Variants in TEX2 observed in about 807,000 individuals in gnomAD.
TEX2 encodes the protein testis expressed 2.
Under a neutral mutation model 106.9 loss-of-function variants are expected in TEX2, and 53 were observed. The ratio of observed to expected loss-of-function variants is 0.50; its 90% CI spans 0.40 to 0.62. The LOEUF is 0.62. Among genes scored for constraint, TEX2 ranks in the 20% least tolerant of loss-of-function variants. The probability of loss-of-function intolerance (pLI) is 0.00; values close to 1 mark genes in which losing one functional copy is unlikely to be tolerated. For synonymous variants in TEX2, 523 were observed against 534.8 expected (o/e 0.98, Z 0.30); for missense variants, 1,207 against 1,379.0 (o/e 0.88, Z 1.98).
At chr17:64,199,998 T>TA (rs1272234840) in intron 2 of TEX2, among the ~76,000 whole-genome samples, 1 of 152,238 alleles carries the variant, frequency 6.6e-6, no homozygotes, top group Admixed American at 6.5e-5. Context: ...TTTGCATAAT[T>TA]AAATGAGAGA....
chr17:64,180,509 G>C (rs971711927), intron 5 of TEX2, among the ~76,000 whole-genome samples: 1 of 152,188 alleles, frequency 6.6e-6, no homozygotes, highest in Non-Finnish European at 1.5e-5. Context: ...ATGCATCAAA[G>C]AAGCTTTTAT....
At chr17:64,175,544 A>G (rs372384203) in intron 6 of TEX2, among the ~76,000 whole-genome samples, 16 of 152,324 alleles carry the variant, frequency 1.1e-4, no homozygotes, top group African/African-American at 3.4e-4. Context: ...TTCCAGCTCA[A>G]GAGAGAAGGG....
At chr17:64,236,680 A>G (rs1598215045) in intron 1 of TEX2, among the ~76,000 whole-genome samples, 1 of 152,348 alleles carries the variant, frequency 6.6e-6, no homozygotes, top group Non-Finnish European at 1.5e-5. Flanking sequence ...TCCTATGGAT[A>G]CCGAGGGATG....
chr17:64,260,934 A>G (rs548454784), intron 1 of TEX2, among the ~76,000 whole-genome samples: 1 of 152,370 alleles, frequency 6.6e-6, no homozygotes, highest in South Asian at 2.1e-4. Flanking sequence ...AAGAAAGAAC[A>G]GGCACTTTCC....
chr17:64,152,324 T>C (rs896245428), intron 10 of TEX2, among the ~76,000 whole-genome samples: 1 of 152,154 alleles, frequency 6.6e-6, no homozygotes, highest in Non-Finnish European at 1.5e-5. Flanking sequence ...CCCCGACCCC[T>C]GAAATCCGGG....
intron 5 of TEX2, 72 bp downstream of exon 5, chr17:64,188,096 G>A (rs917707916): frequency 1.2e-4 from 184 of 1,534,380 alleles, no homozygotes; most frequent in Non-Finnish European, 1.5e-4. Flanking sequence ...ACAGGGCTTC[G>A]GAGCACTTAC....
intron 7 of TEX2, among the ~76,000 whole-genome samples, chr17:64,167,484 A>G (rs9901723): frequency 0.062 from 9,408 of 152,082 alleles, 364 homozygotes; most frequent in African/African-American, 0.11. Flanking sequence ...GTATTGACTC[A>G]TTTAATCCTC....
Position 64,147,348 on chromosome 17 carries a change from T to G in TEX2, c.*1621A>C, listed in dbSNP as rs2030085837. On this transcript the variant is annotated 3_prime_UTR_variant, in exon 12 of 12. Coordinates refer to ENST00000584379, the MANE Select transcript of TEX2 (RefSeq NM_001288732.2). ...CAACGCAGTAAATGAAAGCTGCGAT[T>G]GCCAGGTGAGGGCCCCGGTGCTCTG... 1 of 152,134 alleles carries G rather than the reference T, an allele frequency of 6.6e-6. No individual in the cohort carries two copies. Among genetic ancestry groups the G allele is most frequent in the Non-Finnish European group, 1.5e-5 (1 of 68,024 alleles). The allele number at this position is 152,134 out of a possible 1,614,324, so 9.4% of individuals were successfully genotyped here.
Position 64,214,257 on chromosome 17 carries a change from A to G in TEX2, c.-25-15T>C, listed in dbSNP as rs373327502. The G allele has an allele frequency of 1.8e-4, 280 of 1,573,726 alleles. No individual in the cohort carries two copies. The highest frequency in any genetic ancestry group is 3.4e-4 in the Middle Eastern group (2 of 5,812). The stretch of plus-strand genomic sequence containing the variant: ...GGGCTCAGGCTCTGTGAAAACAGTG[A>G]GAAAACCAGAAGTCAGAGAGCAGTT... On this transcript the variant is annotated splice_polypyrimidine_tract_variant and intron_variant, in intron 1 of 11. Coordinates refer to ENST00000584379, the MANE Select transcript of TEX2 (RefSeq NM_001288732.2).
intron 1 of TEX2, among the ~76,000 whole-genome samples, chr17:64,230,955 A>G (rs2143309075): frequency 6.6e-6 from 1 of 152,350 alleles, no homozygotes; most frequent in East Asian, 1.9e-4. Flanking sequence ...TATTTTTCAA[A>G]TAGTACTGAA....
intron 1 of TEX2, among the ~76,000 whole-genome samples, chr17:64,235,337 C>T (rs782088128): frequency 1.3e-4 from 20 of 152,214 alleles, no homozygotes; most frequent in Non-Finnish European, 2.6e-4. Context: ...CGGATGCTTC[C>T]GTTGACAAAC....
chr17:64,161,071 G>T, intron 7 of TEX2, 138 bp from the exon 8 acceptor site: 1 of 895,098 alleles, frequency 1.1e-6, no homozygotes. Flanking sequence ...TTGAGAAGAG[G>T]ACTGAGAGCA....
intron 1 of TEX2, among the ~76,000 whole-genome samples, chr17:64,215,738 C>T (rs1555632572): frequency 6.6e-6 from 1 of 152,192 alleles, no homozygotes; most frequent in East Asian, 1.9e-4. Flanking sequence ...CAACCCAACA[C>T]AATACGCTTA....
chr17:64,246,031 A>C (rs1598224314), intron 1 of TEX2, among the ~76,000 whole-genome samples: 2 of 152,176 alleles, frequency 1.3e-5, no homozygotes, highest in African/African-American at 4.8e-5. Context: ...TCATGTGAGG[A>C]CGTGTGCTGC....
In TEX2 at chr17:64,212,561, G is replaced by A. The variant is rs782204438; in HGVS notation, c.1644+13C>T. 6.2e-7 allele frequency: 1 copy of A among 1,606,390 alleles called. No individual in the cohort carries two copies. The highest frequency in any genetic ancestry group is 2.2e-5 in the East Asian group (1 of 44,838). ...AAGTGTGTGTACTAGCCAGCTCCCG[G>A]GGAGAGGCTTACCTTCAGTATTTCA... On this transcript the variant is annotated intron_variant, in intron 2 of 11. Transcript: ENST00000584379.
chr17:64,196,982 A>ATTTTTTTTTTTTTTT lies in TEX2; in HGVS notation c.1645-1902_1645-1888dup, dbSNP rs59960456. On this transcript the variant is annotated intron_variant, in intron 2 of 11. Transcript: ENST00000584379. ...GAAATCAGGGAATAGTCAAATCAAGATTTTTTTTTTTTTTTTTTTTTTTTG... is the reference window on the plus strand; with the variant it reads ...GAAATCAGGGAATAGTCAAATCAAGATTTTTTTTTTTTTTTTTTTTTTTTTTTTTTTTTTTTTTTG... Among the ~76,000 whole-genome samples, 26 of 63,572 alleles carry ATTTTTTTTTTTTTTT rather than the reference A, an allele frequency of 4.1e-4. 2 individuals are homozygous for ATTTTTTTTTTTTTTT. The highest frequency in any genetic ancestry group is 5.5e-4 in the Non-Finnish European group (19 of 34,566). 41.7% of individuals were successfully genotyped at this position (63,572 alleles called of 152,430 possible).
intron 3 of TEX2, among the ~76,000 whole-genome samples, chr17:64,194,497 T>G (rs1441876855): frequency 1.3e-5 from 2 of 148,900 alleles, no homozygotes; most frequent in Non-Finnish European, 3.0e-5. Flanking sequence ...CATTTGCACA[T>G]GTACAAAGAC....
chr17:64,237,854 T>G lies in TEX2; in HGVS notation c.-25-23612A>C, dbSNP rs541424690. On this transcript the variant is annotated intron_variant, in intron 1 of 11. Coordinates refer to ENST00000584379, the MANE Select transcript of TEX2 (RefSeq NM_001288732.2). The stretch of plus-strand genomic sequence containing the variant: ...GTGTTTAAAGTTCTGGTTCAGTAAC[T>G]GATACTATTACATGTCCACCCAGAT... Among the ~76,000 whole-genome samples the G allele has an allele frequency of 5.9e-5, 9 of 152,294 alleles. No individual in the cohort carries two copies. The South Asian group carries it at 1.7e-3, about 28-fold the overall frequency.
chr17:64,168,388 C>A (rs2031238620), intron 7 of TEX2, among the ~76,000 whole-genome samples: 1 of 152,224 alleles, frequency 6.6e-6, no homozygotes, highest in Non-Finnish European at 1.5e-5. Flanking sequence ...GTTACACAAG[C>A]AGGCAAGTCT....
Sources: gnomAD v4.1 joint callset for allele counts (sites outside exome capture counted in the v4.1 genomes callset) on GRCh38, gnomAD v4.1.1 for gene constraint, MANE v1.5 for transcripts, NCBI Gene and HGNC (gene_info 2026-07-23, HGNC 2026-07-21) for gene names.